HERC3: variants seen among roughly 807,000 people sequenced by gnomAD.
HERC3 encodes the protein probable E3 ubiquitin-protein ligase HERC3.
In HERC3, 58 loss-of-function variants were observed where a neutral mutation model predicts 129.9. That is an observed-to-expected ratio of 0.45 (90% CI 0.36 to 0.56). The LOEUF (loss-of-function observed/expected upper bound fraction) is 0.56, where lower values mean the gene tolerates loss of function less well. Among genes scored for constraint, HERC3 ranks in the 20% least tolerant of loss-of-function variants. HERC3 has a pLI of 0.00. For synonymous variants in HERC3, 430 were observed against 451.0 expected (o/e 0.95, Z 0.59); for missense variants, 835 against 1,244.2 (o/e 0.67, Z 4.95).
chr4:88,690,139 A>G (rs772998138), intron 23 of HERC3: 16 of 985,402 alleles, frequency 1.6e-5, no homozygotes, highest in South Asian at 4.7e-5. Context: ...GAATGTTGCA[A>G]TCAAAACCCT....
chr4:88,563,400 G>A, the HERC3 span, among the ~76,000 whole-genome samples: 1 of 152,050 alleles, frequency 6.6e-6, no homozygotes, highest in Admixed American at 6.6e-5. Context: ...TAGTTTTTTG[G>A]TGGAGTCTTT....
intron 4 of HERC3, among the ~76,000 whole-genome samples, chr4:88,651,147 A>G (rs927262925): frequency 6.6e-6 from 1 of 152,224 alleles, no homozygotes; most frequent in Non-Finnish European, 1.5e-5. Flanking sequence ...TGTTTATAAC[A>G]TTAATGGCAA....
At chr4:88,610,211 T>C (rs1029714958) in intron 3 of HERC3, among the ~76,000 whole-genome samples, 23 of 152,218 alleles carry the variant, frequency 1.5e-4, no homozygotes, top group Admixed American at 7.8e-4. Flanking sequence ...TCCCCGCACA[T>C]TGGGAAGCCG....
the HERC3 span, among the ~76,000 whole-genome samples, chr4:88,555,938 A>C: frequency 6.6e-6 from 1 of 152,218 alleles, no homozygotes; most frequent in Non-Finnish European, 1.5e-5. Flanking sequence ...GGATTGACCA[A>C]TTAGATATAT....
intron 23 of HERC3, among the ~76,000 whole-genome samples, chr4:88,692,696 C>T (rs922950496): frequency 6.6e-6 from 1 of 152,168 alleles, no homozygotes; most frequent in Non-Finnish European, 1.5e-5. Flanking sequence ...ATGTAAGACT[C>T]CCCATTTACT....
the HERC3 span, among the ~76,000 whole-genome samples, chr4:88,553,729 G>C: frequency 3.3e-5 from 5 of 152,226 alleles, no homozygotes; most frequent in South Asian, 2.1e-4. Flanking sequence ...GTACAGACAG[G>C]GTTTTACCAT....
chr4:88,625,393 G>A (rs1725984592), intron 3 of HERC3, among the ~76,000 whole-genome samples: 1 of 152,036 alleles, frequency 6.6e-6, no homozygotes, highest in South Asian at 2.1e-4. Context: ...TTACTTCTCA[G>A]TATACAGGTC....
chr4:88,675,173 C>G (rs995017730), intron 16 of HERC3, among the ~76,000 whole-genome samples: 45 of 152,160 alleles, frequency 3.0e-4, no homozygotes, highest in African/African-American at 1.1e-3. Context: ...GTTCCACTGC[C>G]CATCTGGCTG....
the HERC3 span, among the ~76,000 whole-genome samples, chr4:88,531,452 A>G: frequency 3.9e-5 from 6 of 152,226 alleles, no homozygotes; most frequent in Non-Finnish European, 8.8e-5. Flanking sequence ...AACTATAAAT[A>G]TATCACAAGA....
chr4:88,671,614 C>T (rs1450785925), intron 16 of HERC3, among the ~76,000 whole-genome samples: 2 of 152,134 alleles, frequency 1.3e-5, no homozygotes, highest in African/African-American at 4.8e-5. Context: ...ACCTCTGCTT[C>T]CCAGGCTCAA....
the HERC3 span, among the ~76,000 whole-genome samples, chr4:88,540,427 C>T: frequency 4.0e-4 from 61 of 152,166 alleles, no homozygotes; most frequent in Non-Finnish European, 6.0e-4. Flanking sequence ...ACAAAGCATC[C>T]GAGAAATATG....
intron 23 of HERC3, chr4:88,690,561 C>T (rs1291893752): frequency 2.0e-6 from 2 of 984,884 alleles, no homozygotes; most frequent in African/African-American, 3.5e-5. Context: ...TCATCCTCTG[C>T]TGAGTCATCA....
intron 2 of HERC3, among the ~76,000 whole-genome samples, chr4:88,598,469 C>T (rs1722636858): frequency 2.0e-5 from 3 of 152,196 alleles, no homozygotes; most frequent in South Asian, 4.1e-4. Flanking sequence ...CAGAATGCAG[C>T]TAGTGCTAAT....
At chr4:88,688,692 A>G (rs1733737582) in intron 23 of HERC3, among the ~76,000 whole-genome samples, 1 of 152,214 alleles carries the variant, frequency 6.6e-6, no homozygotes, top group Non-Finnish European at 1.5e-5. Context: ...CAGAAAATTT[A>G]TATATCTCAA....
chr4:88,661,686 GA>G (rs1277997272), intron 10 of HERC3, among the ~76,000 whole-genome samples: 1 of 152,148 alleles, frequency 6.6e-6, no homozygotes, highest in East Asian at 1.9e-4. Context: ...CTGAATAAAA[GA>G]TGTACAGTGT....
chr4:88,697,759 G>C, intron 23 of HERC3: 1 of 1,602,938 alleles, frequency 6.2e-7, no homozygotes, highest in Non-Finnish European at 8.5e-7. Context: ...GGCCATGTTA[G>C]AGGAGAAGCC....
intron 3 of HERC3, among the ~76,000 whole-genome samples, chr4:88,620,619 C>A (rs2860307): frequency 0.051 from 7,752 of 152,190 alleles, 522 homozygotes; most frequent in East Asian, 0.27. Flanking sequence ...TCATTGCAGT[C>A]ATTTCTAATT....
chr4:88,693,712 C>T, intron 23 of HERC3: 1 of 982,786 alleles, frequency 1.0e-6, no homozygotes, highest in Non-Finnish European at 1.2e-6. Context: ...TGTACATTCT[C>T]AGGCAGAGAG....
Position 88,708,378 on chromosome 4 carries a change from T to G in HERC3, c.*1418T>G, listed in dbSNP as rs1735935931. The G allele has an allele frequency of 1.3e-5, 2 of 152,640 alleles. No individual in the cohort carries two copies. Among genetic ancestry groups the G allele is most frequent in the Admixed American group, 6.5e-5 (1 of 15,280 alleles). The allele number at this position is 152,640 out of a possible 1,614,324, so 9.5% of individuals were successfully genotyped here. A position where few individuals can be genotyped will look rare whatever the true frequency, so the allele number is the denominator to read the frequency against. ...TGAAGGATTGTAGATTTTTGCTTTT[T>G]CTTTTTGTTTTTAAAACTTATTCCA... On this transcript the variant is annotated 3_prime_UTR_variant, in exon 26 of 26. Coordinates refer to ENST00000402738, the MANE Select transcript of HERC3 (RefSeq NM_014606.3).
Sources: allele counts gnomAD v4.1 joint callset (sites outside exome capture counted in the v4.1 genomes callset), GRCh38; gene constraint gnomAD v4.1.1; transcripts MANE v1.5; gene names NCBI Gene and HGNC (gene_info 2026-07-23, HGNC 2026-07-21).